The following VSX2 variants were observed in gnomAD, a reference collection of about 807,000 sequenced individuals.
The protein encoded by VSX2 is visual system homeobox 2.
In VSX2, 28 loss-of-function variants were observed where a neutral mutation model predicts 32.1. The observed-to-expected ratio is 0.87, with a 90% CI of 0.65 to 1.20. VSX2 has a LOEUF of 1.20. VSX2 is among the 50% of genes most tolerant of loss of function. The probability of loss-of-function intolerance (pLI) is 0.00; values close to 1 mark genes in which losing one functional copy is unlikely to be tolerated. For missense variants in VSX2, 506 were observed against 488.7 expected (o/e 1.04, Z -0.33); for synonymous variants, 243 against 214.1 (o/e 1.14, Z -1.18).
At chr14:74,251,382 G>A (rs1047504627) in intron 3 of VSX2, among the ~76,000 whole-genome samples, 3 of 152,174 alleles carry the variant, frequency 2.0e-5, no homozygotes, top group African/African-American at 7.2e-5. Context: ...CCCGGGAGGC[G>A]GAGGTTGCAG....
intron 3 of VSX2, among the ~76,000 whole-genome samples, chr14:74,248,171 C>T (rs12885627): frequency 2.0e-5 from 3 of 151,836 alleles, no homozygotes; most frequent in Non-Finnish European, 4.4e-5. Context: ...AGCTTTGGGT[C>T]AGAGGACTCT....
At chr14:74,251,577 G>C (rs11627178) in intron 3 of VSX2, among the ~76,000 whole-genome samples, 107,455 of 152,162 alleles carry the variant, frequency 0.71, 41,029 homozygotes, top group Admixed American at 0.84. Flanking sequence ...GCTCAGGAGA[G>C]GGTTGTTTCT....
Position 74,260,928 on chromosome 14 carries a change from GC to G in VSX2, c.*10del. On this transcript the variant is annotated 3_prime_UTR_variant, in exon 5 of 5. Transcript: ENST00000261980. ...TGGAGGACATGGCTTAGGTCAAGGCGCGCTCAGATGCCGGAGCCCCAAGACT... is the reference window on the plus strand; with the variant it reads ...TGGAGGACATGGCTTAGGTCAAGGCGGCTCAGATGCCGGAGCCCCAAGACT... 6.4e-7 allele frequency: 1 copy of G among 1,552,210 alleles called. No homozygotes were observed. Among genetic ancestry groups the G allele is most frequent in the Non-Finnish European group, 8.7e-7 (1 of 1,148,678 alleles).
intron 3 of VSX2, among the ~76,000 whole-genome samples, chr14:74,245,548 G>A (rs530809074): frequency 2.0e-4 from 31 of 152,190 alleles, no homozygotes; most frequent in African/African-American, 6.3e-4. Context: ...CAGACCCTGC[G>A]GGGGTCTGGG....
Position 74,259,571 on chromosome 14 carries a change from C to G in VSX2, c.580-31C>G, listed in dbSNP as rs754397036. 6 of 1,613,480 alleles carry G rather than the reference C, an allele frequency of 3.7e-6. No homozygotes were observed. In the East Asian group the frequency reaches 1.3e-4, roughly 36 times the overall value. On this transcript the variant is annotated intron_variant, in intron 3 of 4. Transcript: ENST00000261980. ...GCCTTGGGCCCAGCACCTCTCAGAG[C>G]AAGCCTCTGACCTGTTCTGTGCACC...
At chr14:74,241,493 T>C (rs1379244925) in intron 2 of VSX2, among the ~76,000 whole-genome samples, 1 of 152,174 alleles carries the variant, frequency 6.6e-6, no homozygotes, top group East Asian at 1.9e-4. Flanking sequence ...CGGTTCGGGC[T>C]TTCTCCTCCT....
intron 1 of VSX2, 77 bp downstream of exon 1, chr14:74,240,008 C>T: frequency 6.6e-7 from 1 of 1,518,942 alleles, no homozygotes; most frequent in South Asian, 1.2e-5. Flanking sequence ...CTCTCGCTTG[C>T]TGGACCAGGC....
At chr14:74,256,119 C>A (rs2079260860) in intron 3 of VSX2, among the ~76,000 whole-genome samples, 1 of 152,128 alleles carries the variant, frequency 6.6e-6, no homozygotes, top group African/African-American at 2.4e-5. Flanking sequence ...AAAGTCATTG[C>A]GGTTTTTGCC....
intron 3 of VSX2, among the ~76,000 whole-genome samples, chr14:74,257,676 G>A (rs922552775): frequency 1.3e-5 from 2 of 151,574 alleles, no homozygotes; most frequent in African/African-American, 4.9e-5. Context: ...GCCACCTGAC[G>A]GCAACGGCGG....
intron 3 of VSX2, among the ~76,000 whole-genome samples, chr14:74,257,711 C>A (rs1292800423): frequency 6.7e-6 from 1 of 149,366 alleles, no homozygotes. Context: ...CGCGGACCAC[C>A]CCCCACCCAC....
chr14:74,259,787 G>C lies in VSX2; in HGVS notation c.760+5G>C. ...CCTGTGCCCCGTGGCTACTGGGTAA[G>C]AGCCCGCACCCTCCTTGGGGTCCTG... On this transcript the variant is annotated splice_donor_5th_base_variant and intron_variant, in intron 4 of 4. Transcript: ENST00000261980. The C allele has an allele frequency of 1.3e-6, 2 of 1,585,742 alleles. No individual in the cohort carries two copies. The highest frequency in any genetic ancestry group is 1.7e-6 in the Non-Finnish European group (2 of 1,171,346).
At chr14:74,254,512 A>C (rs900355461) in intron 3 of VSX2, among the ~76,000 whole-genome samples, 7 of 152,238 alleles carry the variant, frequency 4.6e-5, no homozygotes, top group Non-Finnish European at 8.8e-5. Context: ...AGTAGAGGCT[A>C]TCTGTATTGA....
intron 3 of VSX2, 24 bp from the exon 4 acceptor site, chr14:74,259,578 C>T: frequency 6.2e-7 from 1 of 1,614,164 alleles, no homozygotes; most frequent in Non-Finnish European, 8.5e-7. Context: ...GAGCAAGCCT[C>T]TGACCTGTTC....
intron 2 of VSX2, among the ~76,000 whole-genome samples, chr14:74,242,720 T>C (rs2079158926): frequency 6.6e-6 from 1 of 151,990 alleles, no homozygotes; most frequent in African/African-American, 2.4e-5. Flanking sequence ...TCTTGTCATC[T>C]TCCCCAGGCA....
chr14:74,243,362 A>C (rs1743080237), intron 2 of VSX2, among the ~76,000 whole-genome samples: 1 of 152,328 alleles, frequency 6.6e-6, no homozygotes, highest in East Asian at 1.9e-4. Context: ...TGCATAAACC[A>C]GGAACACAGG....
chr14:74,252,453 C>T (rs922010958), intron 3 of VSX2, among the ~76,000 whole-genome samples: 10 of 151,152 alleles, frequency 6.6e-5, no homozygotes, highest in Non-Finnish European at 1.0e-4. Flanking sequence ...TGCAGGGGCA[C>T]GATCTCGGCT....
intron 3 of VSX2, among the ~76,000 whole-genome samples, chr14:74,255,918 T>C (rs902897523): frequency 1.3e-5 from 2 of 152,220 alleles, no homozygotes; most frequent in African/African-American, 4.8e-5. Context: ...GTTTTTAGTG[T>C]GAACATGTAC....
At chr14:74,244,932 AAGAG>A (rs1460546083) in intron 2 of VSX2, among the ~76,000 whole-genome samples, 9 of 35,516 alleles carry the variant, frequency 2.5e-4, no homozygotes, top group South Asian at 9.5e-4. Context: ...GTGTGTGTGA[AAGAG>A]AGAGAGAAAG....
At position 74,245,281 on chromosome 14, in the gene VSX2, G is replaced by C. The variant is rs1187536664; in HGVS notation, c.572G>C (p.Arg191Thr). 1 of 1,613,448 alleles carries C rather than the reference G, an allele frequency of 6.2e-7. No individual in the cohort carries two copies. Among genetic ancestry groups the C allele is most frequent in the African/African-American group, 1.3e-5 (1 of 74,762 alleles). The change falls in exon 3 of 5, where the codon AGG (arginine) becomes ACG (threonine). Residue 191 changes from arginine to threonine, a missense_variant. Arg to Thr is a moderately conservative substitution (Grantham distance 71). Coordinates refer to ENST00000261980, the MANE Select transcript of VSX2 (RefSeq NM_182894.3). ...LAMKTELPED[R>T]IQVWFQNRRA... ...ATGAAAACGGAGCTGCCGGAAGACA[G>C]GATACAGGTAACAGCCCTGAGCCCC...
Sources: gnomAD v4.1 joint callset for allele counts (sites outside exome capture counted in the v4.1 genomes callset) on GRCh38, gnomAD v4.1.1 for gene constraint, MANE v1.5 for transcripts, NCBI Gene and HGNC (gene_info 2026-07-23, HGNC 2026-07-21) for gene names.